KDM2B: variants seen among roughly 807,000 people sequenced by gnomAD.
KDM2B encodes the protein lysine demethylase 2B, also known as lysine-specific demethylase 2B.
Under a neutral mutation model 150.0 loss-of-function variants are expected in KDM2B, and 26 were observed. That is an observed-to-expected ratio of 0.17 (90% confidence interval 0.13 to 0.24). The LOEUF is 0.24. Ranked by LOEUF, KDM2B falls within the 10% of genes least tolerant of loss-of-function variation. The pLI is 1.00. For synonymous variants in KDM2B, 734 were observed against 729.5 expected, an observed-to-expected ratio of 1.01 and a Z score of -0.10; for missense variants, 1,265 against 1,816.9, an observed-to-expected ratio of 0.70 and a Z score of 5.52.
chr12:121,579,670 C>G lies in KDM2B; in HGVS notation c.127-724G>C. 3 of 1,375,768 alleles carry G rather than the reference C, an allele frequency of 2.2e-6. 1 individual carries two copies. Among genetic ancestry groups the G allele is most frequent in the South Asian group, 2.4e-5 (2 of 81,730 alleles). 85.2% of individuals were successfully genotyped at this position (1,375,768 alleles called of 1,614,324 possible). A position where few individuals can be genotyped will look rare whatever the true frequency, so the allele number is the denominator to read the frequency against. ...GCACACTCACTTCCTAAGGAGACTC[C>G]CCCACCACTCCCCGCATCCCCCTGC... On this transcript the variant is annotated intron_variant, in intron 1 of 22. Coordinates refer to ENST00000377071, the MANE Select transcript of KDM2B (RefSeq NM_032590.5).
At chr12:121,497,015 C>CT (rs147588709) in intron 11 of KDM2B, among the ~76,000 whole-genome samples, 2,718 of 142,506 alleles carry the variant, frequency 0.019, 64 homozygotes, top group East Asian at 0.13. Flanking sequence ...CATGATTTTT[C>CT]TTTTTTTTTT....
At chr12:121,516,867 GAAAAAAA>G (rs11433051) in intron 9 of KDM2B, 1 of 553,702 alleles carries the variant, frequency 1.8e-6, no homozygotes, top group Non-Finnish European at 3.1e-6. Context: ...TTTTCTCCTG[GAAAAAAA>G]AAAAAAAAAA....
At position 121,439,886 on chromosome 12, in the gene KDM2B, C is replaced by T. The variant is rs782087256; in HGVS notation, c.3800G>A (p.Arg1267Gln). ...NLLTAVGTTT[R>Q]DSLTEINLSD... ...CAGGTTGATCTCGGTTAAGGAGTCTCGGGTGGTGGTGCCAACAGCAGTGAG... is the reference window on the plus strand; with the variant it reads ...CAGGTTGATCTCGGTTAAGGAGTCTTGGGTGGTGGTGCCAACAGCAGTGAG... Residue 1267 changes from arginine (R) to glutamine (Q), a missense_variant, in exon 22 of 23, where the codon CGA (arginine) becomes CAA (glutamine). Arg to Gln is a conservative substitution (Grantham distance 43, BLOSUM62 1). Around this residue, in one of 11 missense-constraint regions of KDM2B, gnomAD observed 251 missense variants for 397.8 expected, o/e 0.63. Coordinates refer to ENST00000377071, the MANE Select transcript of KDM2B (RefSeq NM_032590.5). The T allele has an allele frequency of 4.3e-6, 7 of 1,614,060 alleles. No individual in the cohort carries two copies. Among genetic ancestry groups the T allele is most frequent in the South Asian group, 1.1e-5 (1 of 91,084 alleles).
intron 22 of KDM2B, among the ~76,000 whole-genome samples, chr12:121,439,467 A>AC (rs145988406): frequency 0.35 from 51,442 of 145,516 alleles, 9,492 homozygotes; most frequent in East Asian, 0.45. Context: ...GGCGACCTCC[A>AC]CTGCCAGTTT....
intron 4 of KDM2B, among the ~76,000 whole-genome samples, chr12:121,558,575 T>C (rs1555313181): frequency 6.6e-6 from 1 of 151,198 alleles, no homozygotes; most frequent in African/African-American, 2.4e-5. Context: ...TGCCTCAGCC[T>C]CCCAAGTAGC....
At chr12:121,494,783 T>C (rs957576522) in intron 11 of KDM2B, 118 bp from the exon 12 acceptor site, 31 of 671,092 alleles carry the variant, frequency 4.6e-5, no homozygotes, top group Non-Finnish European at 7.3e-5. Flanking sequence ...GCCTGGCCAT[T>C]GACTCCACCA....
At chr12:121,416,387 A>T in the KDM2B span, 8 of 1,568,030 alleles carry the variant, frequency 5.1e-6, no homozygotes, top group Non-Finnish European at 6.2e-6. Flanking sequence ...GGTGAGTTGG[A>T]TGAAATGTTA....
At chr12:121,459,376 C>G (rs1183979728) in intron 12 of KDM2B, among the ~76,000 whole-genome samples, 2 of 152,114 alleles carry the variant, frequency 1.3e-5, no homozygotes, top group Non-Finnish European at 2.9e-5. Context: ...TACAAATTAA[C>G]TCAAAAATGG....
At chr12:121,573,579 G>T (rs1307249304) in intron 4 of KDM2B, among the ~76,000 whole-genome samples, 8 of 144,106 alleles carry the variant, frequency 5.6e-5, no homozygotes, top group African/African-American at 2.1e-4. Context: ...TCGGCCTACT[G>T]TTTACTTCTT....
chr12:121,410,163 A>G, the KDM2B span, among the ~76,000 whole-genome samples: 2 of 151,960 alleles, frequency 1.3e-5, no homozygotes, highest in Non-Finnish European at 2.9e-5. Flanking sequence ...TCAAAAAAAA[A>G]GAAAAGGAAT....
chr12:121,569,412 C>A (rs563427005), intron 4 of KDM2B, among the ~76,000 whole-genome samples: 3 of 152,116 alleles, frequency 2.0e-5, no homozygotes, highest in Non-Finnish European at 2.9e-5. Flanking sequence ...TGGGGAGAAG[C>A]CTGCCAAGAA....
At chr12:121,582,130 T>C (rs561107814), upstream of KDM2B, among the ~76,000 whole-genome samples, 2 of 152,272 alleles carry the variant, frequency 1.3e-5, no homozygotes, top group South Asian at 4.1e-4. Flanking sequence ...ATGGACCATT[T>C]TATTTGTTCC....
At chr12:121,540,872 C>G (rs1046041705) in intron 6 of KDM2B, among the ~76,000 whole-genome samples, 34 of 151,888 alleles carry the variant, frequency 2.2e-4, no homozygotes, top group African/African-American at 7.7e-4. Flanking sequence ...CTGTCTCCCC[C>G]ATAGCATGGG....
intron 4 of KDM2B, among the ~76,000 whole-genome samples, chr12:121,570,811 T>G (rs1272582538): frequency 6.6e-6 from 1 of 152,066 alleles, no homozygotes; most frequent in Non-Finnish European, 1.5e-5. Flanking sequence ...GCAATTCCAC[T>G]CCTAAAGATA....
intron 8 of KDM2B, among the ~76,000 whole-genome samples, chr12:121,528,653 C>T (rs1418742343): frequency 1.3e-5 from 2 of 152,162 alleles, no homozygotes; most frequent in African/African-American, 2.4e-5. Flanking sequence ...TCAAAGATGA[C>T]TTGGCAAGCC....
chr12:121,502,699 A>AT (rs530086593), intron 11 of KDM2B, among the ~76,000 whole-genome samples: 8 of 132,834 alleles, frequency 6.0e-5, no homozygotes, highest in African/African-American at 8.4e-5. Context: ...AGGTAGATGG[A>AT]TTGCTTGAGC....
chr12:121,416,549 C>T, the KDM2B span: 49 of 575,178 alleles, frequency 8.5e-5, no homozygotes, highest in Middle Eastern at 4.6e-4. Flanking sequence ...TATATTACTG[C>T]TCAAGTTTTA....
chr12:121,432,519 G>A (rs2137483532), intron 22 of KDM2B, among the ~76,000 whole-genome samples: 1 of 152,326 alleles, frequency 6.6e-6, no homozygotes, highest in African/African-American at 2.4e-5. Flanking sequence ...GGATATAGGT[G>A]TTGAGCCTGT....
chr12:121,480,443 A>G (rs1881966602), intron 12 of KDM2B, among the ~76,000 whole-genome samples: 1 of 151,940 alleles, frequency 6.6e-6, no homozygotes, highest in Non-Finnish European at 1.5e-5. Context: ...GTATTAAAAG[A>G]GAGAATTAAG....
Sources: gnomAD v4.1 joint callset for allele counts (sites outside exome capture counted in the v4.1 genomes callset) on GRCh38, gnomAD v4.1.1 for gene constraint, gnomAD v4.1.1 regional missense constraint, MANE v1.5 for transcripts, NCBI Gene and HGNC (gene_info 2026-07-23, HGNC 2026-07-21) for gene names.